Variants in CDK17 observed in about 807,000 individuals in gnomAD.
CDK17 encodes the protein cyclin dependent kinase 17, also known as cyclin-dependent kinase 17.
A neutral mutation model predicts 77.6 loss-of-function variants in CDK17; 24 were observed. That is an observed-to-expected ratio of 0.31 (90% CI 0.22 to 0.44). The LOEUF is 0.44. Ranked by LOEUF, CDK17 falls within the 20% of genes least tolerant of loss-of-function variation. The pLI, the probability that CDK17 is intolerant of heterozygous loss-of-function variation, is 1.00. For missense variants in CDK17, 429 were observed against 622.5 expected (o/e 0.69, Z 3.31); for synonymous variants, 203 against 210.4 (o/e 0.96, Z 0.30).
chr12:96,303,065 A>G (rs904087767), intron 5 of CDK17: 2 of 152,200 alleles, frequency 1.3e-5, no homozygotes, highest in Non-Finnish European at 2.9e-5. Context: ...AAATTTTTAG[A>G]AAATTTTGCT....
At chr12:96,304,354 T>C (rs774716330) in intron 5 of CDK17, among the ~76,000 whole-genome samples, 24 of 152,130 alleles carry the variant, frequency 1.6e-4, no homozygotes, top group African/African-American at 5.1e-4. Flanking sequence ...CTGGCCAACA[T>C]AGTGAAACCC....
intron 1 of CDK17, among the ~76,000 whole-genome samples, chr12:96,392,943 C>T (rs1331270802): frequency 6.6e-6 from 1 of 152,114 alleles, no homozygotes; most frequent in Non-Finnish European, 1.5e-5. Context: ...TATATTGTTA[C>T]AACACAGATA....
intron 10 of CDK17, among the ~76,000 whole-genome samples, chr12:96,291,801 TAG>T (rs1271008664): frequency 1.3e-5 from 2 of 151,982 alleles, no homozygotes; most frequent in African/African-American, 2.4e-5. Context: ...CTATTTTGAG[TAG>T]AGACAGGGTT....
intron 7 of CDK17, among the ~76,000 whole-genome samples, 153 bp downstream of exon 7, chr12:96,298,716 C>T (rs1952450853): frequency 1.3e-5 from 2 of 151,660 alleles, no homozygotes; most frequent in South Asian, 4.2e-4. Context: ...ATAATTAATC[C>T]CTTTGAGTAT....
chr12:96,323,499 T>A (rs1178818525), intron 3 of CDK17, among the ~76,000 whole-genome samples: 2 of 151,836 alleles, frequency 1.3e-5, no homozygotes, highest in Non-Finnish European at 2.9e-5. Flanking sequence ...TAAGGCATCA[T>A]CAAAAAAGGC....
intron 1 of CDK17, among the ~76,000 whole-genome samples, chr12:96,370,766 T>C (rs894892108): frequency 6.6e-6 from 1 of 152,220 alleles, no homozygotes; most frequent in African/African-American, 2.4e-5. Context: ...CTTGCAAATA[T>C]GTAAAACAAT....
At chr12:96,388,007 C>T (rs780364577) in intron 1 of CDK17, among the ~76,000 whole-genome samples, 10 of 151,736 alleles carry the variant, frequency 6.6e-5, no homozygotes, top group Non-Finnish European at 1.0e-4. Context: ...TGGCAGCTCA[C>T]GCCTGTAACC....
chr12:96,316,125 G>A (rs912624720), intron 3 of CDK17, among the ~76,000 whole-genome samples: 5 of 152,284 alleles, frequency 3.3e-5, no homozygotes, highest in Admixed American at 1.3e-4. Flanking sequence ...GAAGCAGGGC[G>A]AGGCATTGCC....
chr12:96,358,394 A>AT (rs1274670771), intron 1 of CDK17, among the ~76,000 whole-genome samples: 1 of 150,824 alleles, frequency 6.6e-6, no homozygotes, highest in East Asian at 1.9e-4. Flanking sequence ...AAAAAAAAAA[A>AT]AAGTTTAGGG....
intron 6 of CDK17, 102 bp from the exon 7 acceptor site, chr12:96,299,085 ATTG>A: frequency 1.7e-6 from 1 of 597,976 alleles, no homozygotes; most frequent in Non-Finnish European, 2.9e-6. Context: ...GTTTCTAAGC[ATTG>A]TTAAGTTCCA....
At chr12:96,291,767 C>T (rs544212498) in intron 10 of CDK17, among the ~76,000 whole-genome samples, 10 of 151,836 alleles carry the variant, frequency 6.6e-5, no homozygotes, top group South Asian at 2.1e-4. Context: ...TACAGGTGTC[C>T]GCCACAATGC....
At chr12:96,333,885 C>A (rs773579803) in intron 2 of CDK17, among the ~76,000 whole-genome samples, 2 of 152,070 alleles carry the variant, frequency 1.3e-5, no homozygotes, top group Non-Finnish European at 2.9e-5. Context: ...AACGGCTTAG[C>A]CAGTCATCAA....
At chr12:96,326,561 G>A (rs1404860777) in intron 2 of CDK17, among the ~76,000 whole-genome samples, 4 of 152,206 alleles carry the variant, frequency 2.6e-5, no homozygotes, top group East Asian at 1.9e-4. Flanking sequence ...GGCAGAGTTC[G>A]ACTTGTTAGA....
intron 1 of CDK17, among the ~76,000 whole-genome samples, chr12:96,397,581 A>G (rs1954192136): frequency 1.3e-5 from 2 of 152,216 alleles, no homozygotes; most frequent in African/African-American, 4.8e-5. Flanking sequence ...CTTTAATTCT[A>G]CATTTACATT....
intron 1 of CDK17, among the ~76,000 whole-genome samples, chr12:96,371,659 G>C (rs528472477): frequency 1.4e-4 from 21 of 152,120 alleles, no homozygotes; most frequent in Non-Finnish European, 1.5e-5. Flanking sequence ...TTGAACCCAG[G>C]GGGCGGAGAC....
intron 2 of CDK17, among the ~76,000 whole-genome samples, chr12:96,330,983 G>C (rs546899234): frequency 1.3e-5 from 2 of 152,302 alleles, no homozygotes; most frequent in African/African-American, 4.8e-5. Context: ...GTCTAGCTCT[G>C]TTACCCAGGC....
chr12:96,293,266 C>T (rs1013475908), intron 10 of CDK17, among the ~76,000 whole-genome samples: 3 of 151,948 alleles, frequency 2.0e-5, no homozygotes, highest in African/African-American at 7.3e-5. Context: ...CTTAAACTCC[C>T]GGCTTCAAGT....
At chr12:96,356,854 T>C (rs906313442) in intron 1 of CDK17, among the ~76,000 whole-genome samples, 2 of 152,256 alleles carry the variant, frequency 1.3e-5, no homozygotes, top group Admixed American at 6.5e-5. Flanking sequence ...TATTTTTGTA[T>C]ACATTGTCTG....
At chr12:96,353,394 A>G (rs1025453486) in intron 1 of CDK17, among the ~76,000 whole-genome samples, 4 of 152,218 alleles carry the variant, frequency 2.6e-5, no homozygotes, top group Non-Finnish European at 2.9e-5. Flanking sequence ...TTCATCACAC[A>G]GACATTAAGA....
Sources: gnomAD v4.1 joint callset for allele counts (sites outside exome capture counted in the v4.1 genomes callset) on GRCh38, gnomAD v4.1.1 for gene constraint, MANE v1.5 for transcripts, NCBI Gene and HGNC (gene_info 2026-07-23, HGNC 2026-07-21) for gene names.